The following PAPPA2 variants were observed in gnomAD, a reference collection of about 807,000 sequenced individuals.
PAPPA2 encodes the protein pappalysin 2, also known as pappalysin-2.
A neutral mutation model predicts 176.4 loss-of-function variants in PAPPA2; 86 were observed. The ratio of observed to expected loss-of-function variants is 0.49; its 90% confidence interval spans 0.41 to 0.58. The LOEUF is 0.58. Among genes scored for constraint, PAPPA2 ranks in the 20% least tolerant of loss-of-function variants. The pLI is 0.00. For missense variants in PAPPA2, 2,073 were observed against 2,256.9 expected (o/e 0.92, Z 1.65); for synonymous variants, 809 against 852.2 (o/e 0.95, Z 0.88).
intron 11 of PAPPA2, among the ~76,000 whole-genome samples, chr1:176,711,078 G>T (rs748209797): frequency 6.6e-6 from 1 of 152,074 alleles, no homozygotes; most frequent in Non-Finnish European, 1.5e-5. Context: ...AGTTCCACCC[G>T]CCTCTTACTG....
chr1:176,577,678 C>A (rs1652729510), intron 2 of PAPPA2, among the ~76,000 whole-genome samples: 1 of 151,900 alleles, frequency 6.6e-6, no homozygotes, highest in Non-Finnish European at 1.5e-5. Context: ...CCTTCTCCTC[C>A]TTGGTTTTTT....
intron 14 of PAPPA2, among the ~76,000 whole-genome samples, chr1:176,742,848 T>G (rs1463166542): frequency 6.6e-6 from 1 of 152,122 alleles, no homozygotes; most frequent in Non-Finnish European, 1.5e-5. Context: ...CCACTGATAC[T>G]TACATGGGCA....
chr1:176,573,025 T>A (rs1344417864), intron 2 of PAPPA2, among the ~76,000 whole-genome samples: 1 of 152,178 alleles, frequency 6.6e-6, no homozygotes, highest in Non-Finnish European at 1.5e-5. Context: ...GAAATTGGTG[T>A]GGTGCTGCCA....
intron 21 of PAPPA2, among the ~76,000 whole-genome samples, chr1:176,829,816 G>A (rs947181765): frequency 1.3e-5 from 2 of 152,220 alleles, no homozygotes; most frequent in Admixed American, 6.5e-5. Context: ...AGGGCCCAGA[G>A]AGGAGGGGCA....
At chr1:176,584,529 G>A (rs948453856) in intron 2 of PAPPA2, among the ~76,000 whole-genome samples, 1 of 151,954 alleles carries the variant, frequency 6.6e-6, no homozygotes, top group South Asian at 2.1e-4. Context: ...GTCTTTACAG[G>A]TGAATTGAGT....
chr1:176,838,984 G>C (rs933223246), intron 21 of PAPPA2, among the ~76,000 whole-genome samples: 2 of 152,170 alleles, frequency 1.3e-5, no homozygotes, highest in Non-Finnish European at 2.9e-5. Context: ...TTATTTAATG[G>C]CCATTTTTGA....
At chr1:176,750,752 A>G (rs1418894993) in intron 14 of PAPPA2, among the ~76,000 whole-genome samples, 1 of 152,242 alleles carries the variant, frequency 6.6e-6, no homozygotes, top group Non-Finnish European at 1.5e-5. Flanking sequence ...AAATTGAGGA[A>G]GAGAAAATAC....
chr1:176,497,474 C>T (rs530341723), intron 1 of PAPPA2, among the ~76,000 whole-genome samples: 1 of 152,262 alleles, frequency 6.6e-6, no homozygotes, highest in East Asian at 1.9e-4. Flanking sequence ...GTCACTAGCT[C>T]TACATTTTGG....
At chr1:176,611,608 A>G (rs1025590997) in intron 3 of PAPPA2, among the ~76,000 whole-genome samples, 1 of 152,054 alleles carries the variant, frequency 6.6e-6, no homozygotes, top group Admixed American at 6.6e-5. Context: ...TTTTTCTTTT[A>G]TTAGTAGCCT....
At chr1:176,643,389 C>T (rs559781443) in intron 3 of PAPPA2, among the ~76,000 whole-genome samples, 3 of 151,258 alleles carry the variant, frequency 2.0e-5, no homozygotes, top group Non-Finnish European at 4.4e-5. Context: ...CTGCAAGCTA[C>T]CTATGATCTC....
chr1:176,616,113 A>G (rs1189347988), intron 3 of PAPPA2, among the ~76,000 whole-genome samples: 1 of 152,194 alleles, frequency 6.6e-6, no homozygotes, highest in African/African-American at 2.4e-5. Context: ...AGAGGTTGCC[A>G]AATCTGTCTA....
chr1:176,545,894 G>C (rs1215489566), intron 1 of PAPPA2, among the ~76,000 whole-genome samples: 1 of 152,082 alleles, frequency 6.6e-6, no homozygotes, highest in Non-Finnish European at 1.5e-5. Flanking sequence ...CCAATGCCCA[G>C]TTCTTAATGC....
chr1:176,808,695 C>T (rs988344109), intron 21 of PAPPA2, among the ~76,000 whole-genome samples: 1 of 152,112 alleles, frequency 6.6e-6, no homozygotes, highest in Non-Finnish European at 1.5e-5. Flanking sequence ...TGTCATTAAT[C>T]TCACCATGGA....
At chr1:176,498,378 C>T (rs1036892551) in intron 1 of PAPPA2, among the ~76,000 whole-genome samples, 4 of 152,118 alleles carry the variant, frequency 2.6e-5, no homozygotes, top group Middle Eastern at 3.2e-3. Flanking sequence ...CTATCACAAA[C>T]CTAAACAATC....
At chr1:176,747,678 A>G (rs539177325) in intron 14 of PAPPA2, among the ~76,000 whole-genome samples, 16 of 152,230 alleles carry the variant, frequency 1.1e-4, no homozygotes, top group Non-Finnish European at 1.9e-4. Context: ...TACTATAAAT[A>G]TAGCATCTTA....
At chr1:176,583,568 T>C (rs1339541874) in intron 2 of PAPPA2, among the ~76,000 whole-genome samples, 1 of 152,192 alleles carries the variant, frequency 6.6e-6, no homozygotes, top group Non-Finnish European at 1.5e-5. Flanking sequence ...TTTATTCCAT[T>C]GTGGTCAGAT....
chr1:176,774,958 C>T (rs1210100348), intron 17 of PAPPA2, among the ~76,000 whole-genome samples: 2 of 152,144 alleles, frequency 1.3e-5, no homozygotes, highest in African/African-American at 4.8e-5. Context: ...TTAGGGCCTT[C>T]AGACATGGAA....
intron 4 of PAPPA2, among the ~76,000 whole-genome samples, chr1:176,680,518 A>G (rs1659532893): frequency 6.6e-6 from 1 of 152,246 alleles, no homozygotes; most frequent in African/African-American, 2.4e-5. Context: ...TAATTGTAAG[A>G]AACAATACAA....
At chr1:176,833,179 T>C (rs1277328899) in intron 21 of PAPPA2, among the ~76,000 whole-genome samples, 5 of 152,182 alleles carry the variant, frequency 3.3e-5, no homozygotes, top group African/African-American at 4.8e-5. Context: ...AGATACTCTG[T>C]ACAACTTCAA....
Sources: gnomAD v4.1 joint callset for allele counts (sites outside exome capture counted in the v4.1 genomes callset) on GRCh38, gnomAD v4.1.1 for gene constraint, MANE v1.5 for transcripts, NCBI Gene and HGNC (gene_info 2026-07-23, HGNC 2026-07-21) for gene names.